FCRL4: variants seen among roughly 807,000 people sequenced by gnomAD.
The protein encoded by FCRL4 is Fc receptor-like protein 4.
In FCRL4, 43 loss-of-function variants were observed where a neutral mutation model predicts 64.1. That is an observed-to-expected ratio of 0.67 (90% CI 0.53 to 0.87). The LOEUF (loss-of-function observed/expected upper bound fraction) is 0.87. FCRL4 is among the 40% of genes least tolerant of loss of function. The pLI is 0.00. For synonymous variants in FCRL4, 253 were observed against 239.8 expected, an observed-to-expected ratio of 1.05 and a Z score of -0.51; for missense variants, 656 against 613.5, an observed-to-expected ratio of 1.07 and a Z score of -0.73.
intron 1 of FCRL4, among the ~76,000 whole-genome samples, chr1:157,597,183 A>T (rs1196766036): frequency 6.6e-6 from 1 of 152,204 alleles, no homozygotes; most frequent in Non-Finnish European, 1.5e-5. Context: ...GGTGCCCAGC[A>T]GTGTGGCATG....
chr1:157,578,926 C>T (rs1010035387), intron 8 of FCRL4, 74 bp from the exon 9 acceptor site: 24 of 1,221,524 alleles, frequency 2.0e-5, no homozygotes, highest in African/African-American at 9.1e-5. Flanking sequence ...CCAGGGAGAG[C>T]GGCAGAGGAG....
At chr1:157,576,706 C>G (rs1339684259) in intron 10 of FCRL4, among the ~76,000 whole-genome samples, 1 of 152,146 alleles carries the variant, frequency 6.6e-6, no homozygotes, top group African/African-American at 2.4e-5. Context: ...AGGTAGTGGC[C>G]ATTCTAATGC....
intron 10 of FCRL4, among the ~76,000 whole-genome samples, chr1:157,576,147 A>G (rs532105835): frequency 6.6e-6 from 1 of 152,308 alleles, no homozygotes; most frequent in South Asian, 2.1e-4. Context: ...CTACATTAAC[A>G]AGTTCTAGTT....
intron 6 of FCRL4, among the ~76,000 whole-genome samples, chr1:157,585,334 CTT>C (rs1491359260): frequency 7.2e-5 from 6 of 83,320 alleles, no homozygotes; most frequent in East Asian, 4.6e-4. Flanking sequence ...TTCTCTCTTT[CTT>C]TCTCTCTCTC....
chr1:157,574,209 AT>A lies in FCRL4; in HGVS notation c.*1314del, dbSNP rs545966392. On this transcript the variant is annotated 3_prime_UTR_variant, in exon 12 of 12. Transcript: ENST00000271532. ...TTCCTCCCTCTCTTCTTTTTATTTC[AT>A]TTTTTTCCCATTTATTTGTTATAGA... 1.4e-5 allele frequency: 3 copies of A among 216,694 alleles called. No homozygotes were observed. Among genetic ancestry groups the A allele is most frequent in the Admixed American group, 5.9e-5 (1 of 16,930 alleles). 13.4% of individuals were successfully genotyped at this position (216,694 alleles called of 1,614,324 possible).
At chr1:157,578,631 G>T in intron 9 of FCRL4, 89 bp from the exon 10 acceptor site, 2 of 1,385,754 alleles carry the variant, frequency 1.4e-6, no homozygotes, top group Non-Finnish European at 2.1e-6. Flanking sequence ...CACTCTTCTT[G>T]GACACATAAT....
At chr1:157,578,400 T>C (rs1652462152) in intron 10 of FCRL4, 74 bp downstream of exon 10, 12 of 1,237,040 alleles carry the variant, frequency 9.7e-6, no homozygotes, top group Non-Finnish European at 1.4e-5. Context: ...ACCTAGCACA[T>C]AGGAGGTGCT....
intron 1 of FCRL4, among the ~76,000 whole-genome samples, chr1:157,596,968 C>T (rs772245925): frequency 3.3e-5 from 5 of 152,170 alleles, no homozygotes; most frequent in African/African-American, 9.7e-5. Context: ...TACATTTATA[C>T]ATGGGGTGCC....
At chr1:157,583,881 C>A (rs1652616518) in intron 6 of FCRL4, among the ~76,000 whole-genome samples, 1 of 152,112 alleles carries the variant, frequency 6.6e-6, no homozygotes. Flanking sequence ...GGAGGGAATC[C>A]CTATTCCAGC....
rs777588327 is a variant in FCRL4, at chr1:157,578,784, G to A, written c.1346C>T (p.Ser449Leu). 3 of 1,613,764 alleles carry A rather than the reference G, an allele frequency of 1.9e-6. No individual in the cohort carries two copies. Among genetic ancestry groups the A allele is most frequent in the East Asian group, 4.5e-5 (2 of 44,870 alleles). Residue 449 changes from serine to leucine, a missense_variant, in exon 9 of 12, where the codon TCG becomes TTG. Coordinates refer to ENST00000271532, the MANE Select transcript of FCRL4 (RefSeq NM_031282.3). ...GGAATCCTCACCATCAACATACAACGACTGAAGCTCCACCTGGGCAGGGCA... is the reference window on the plus strand; with the variant it reads ...GGAATCCTCACCATCAACATACAACAACTGAAGCTCCACCTGGGCAGGGCA... ...SICPAQVELQ[S>L]LYVDVHPKKG...
intron 7 of FCRL4, 176 bp from the exon 8 acceptor site, chr1:157,580,524 T>C (rs1287600967): frequency 1.5e-6 from 1 of 652,812 alleles, no homozygotes; most frequent in African/African-American, 1.8e-5. Flanking sequence ...ATATAACTTT[T>C]TGAGGCCAGG....
chr1:157,585,355 TTTCTTTCTTTCTTTCTTTC>T (rs1558155047), intron 6 of FCRL4, among the ~76,000 whole-genome samples: 3 of 66,908 alleles, frequency 4.5e-5, no homozygotes, highest in African/African-American at 2.1e-4. Context: ...TCTTTCTTTC[TTTCTTTCTTTCTTTCTTTC>T]TTTCTTTCTT....
rs1233836270 is a variant in FCRL4 at position 157,574,891 on chromosome 1, T to G, written c.*633A>C. 1 of 212,382 alleles carries G rather than the reference T, an allele frequency of 4.7e-6. No individual in the cohort carries two copies. The highest frequency in any genetic ancestry group is 2.3e-5 in the African/African-American group (1 of 44,250). 13.2% of individuals were successfully genotyped at this position (212,382 alleles called of 1,614,324 possible). ...CATTAACATAATTATCATTTGCTTTTGGAAGCGCAGCCTAGAGCTTGCATC... is the reference window on the plus strand; with the variant it reads ...CATTAACATAATTATCATTTGCTTTGGGAAGCGCAGCCTAGAGCTTGCATC... On this transcript the variant is annotated 3_prime_UTR_variant, in exon 12 of 12. Coordinates refer to ENST00000271532, the MANE Select transcript of FCRL4 (RefSeq NM_031282.3).
chr1:157,579,706 A>G (rs1442411615), intron 8 of FCRL4, among the ~76,000 whole-genome samples: 1 of 50,720 alleles, frequency 2.0e-5, no homozygotes, highest in Non-Finnish European at 3.6e-5. Context: ...GACAATACAT[A>G]CATACATACA....
At chr1:157,587,174 C>T in intron 5 of FCRL4, 102 bp downstream of exon 5, 1 of 1,362,014 alleles carries the variant, frequency 7.3e-7, no homozygotes, top group Non-Finnish European at 1.0e-6. Context: ...CCTGGTGCCT[C>T]TGTCAGGATG....
chr1:157,574,429 T>C lies in FCRL4; in HGVS notation c.*1095A>G, dbSNP rs1652356121. The stretch of plus-strand genomic sequence containing the variant: ...TTGTAGGTGGTATTGTACACTTCCA[T>C]CAGGAGACCTCTAATATTTGGCTGC... On this transcript the variant is annotated 3_prime_UTR_variant, in exon 12 of 12. Coordinates refer to ENST00000271532, the MANE Select transcript of FCRL4 (RefSeq NM_031282.3). 1 of 213,478 alleles carries C rather than the reference T, an allele frequency of 4.7e-6. No homozygotes were observed. The highest frequency in any genetic ancestry group is 9.5e-6 in the Non-Finnish European group (1 of 105,696). The allele number at this position is 213,478 out of a possible 1,614,324, so 13.2% of individuals were successfully genotyped here.
intron 4 of FCRL4, 86 bp from the exon 5 acceptor site, chr1:157,587,646 A>G: frequency 7.1e-7 from 1 of 1,410,972 alleles, no homozygotes; most frequent in Non-Finnish European, 9.7e-7. Flanking sequence ...GTCCCAGGAA[A>G]CTTCAGACAC....
chr1:157,577,307 A>C (rs1652438515), intron 10 of FCRL4, among the ~76,000 whole-genome samples: 1 of 152,220 alleles, frequency 6.6e-6, no homozygotes, highest in African/African-American at 2.4e-5. Context: ...TCAGAAAGCC[A>C]AAGTGGACCA....
chr1:157,587,634 C>T lies in FCRL4; in HGVS notation c.563-74G>A, dbSNP rs577584233. ...TCTGTGAGAGACAGGTTTGGATGCT[C>T]AGTCCCAGGAAACTTCAGACACACA... On this transcript the variant is annotated intron_variant, in intron 4 of 11. Transcript: ENST00000271532. 1.1e-4 allele frequency: 160 copies of T among 1,492,276 alleles called. No homozygotes were observed. The African/African-American group carries it at 1.8e-3, about 17-fold the overall frequency. The allele number at this position is 1,492,276 out of a possible 1,614,324, so 92.4% of individuals were successfully genotyped here.
Sources: gnomAD v4.1 joint callset for allele counts (sites outside exome capture counted in the v4.1 genomes callset) on GRCh38, gnomAD v4.1.1 for gene constraint, MANE v1.5 for transcripts, NCBI Gene and HGNC (gene_info 2026-07-23, HGNC 2026-07-21) for gene names.